Variants in GRM7 observed in about 807,000 individuals in gnomAD.
GRM7 encodes metabotropic glutamate receptor 7.
GRM7 carries 35 observed loss-of-function variants against 84.5 expected under a neutral mutation model. The observed-to-expected ratio is 0.41, with a 90% CI of 0.32 to 0.55. The LOEUF (loss-of-function observed/expected upper bound fraction) is 0.55, where lower values mean the gene tolerates loss of function less well. Ranked by LOEUF, GRM7 falls within the 20% of genes least tolerant of loss-of-function variation. The probability of loss-of-function intolerance (pLI) is 0.19; values close to 1 mark genes in which losing one functional copy is unlikely to be tolerated. For missense variants in GRM7, 1,003 were observed against 1,194.6 expected (o/e 0.84, Z 2.36); for synonymous variants, 487 against 455.1 (o/e 1.07, Z -0.89).
In GRM7 at chr3:6,861,955, C is replaced by T. The variant is rs999258935; in HGVS notation, c.519+48C>T. 3 of 1,499,934 alleles carry T rather than the reference C, an allele frequency of 2.0e-6. No individual in the cohort carries two copies. The highest frequency in any genetic ancestry group is 2.7e-6 in the Non-Finnish European group (3 of 1,099,368). 92.9% of individuals were successfully genotyped at this position (1,499,934 alleles called of 1,614,324 possible). A position where few individuals can be genotyped will look rare whatever the true frequency, so the allele number is the denominator to read the frequency against. ...GCGGAGCACACAGTGGCTACCTGCGCCCTTAACCCTAAAAGCTGGCTTGGA... is the reference window on the plus strand; with the variant it reads ...GCGGAGCACACAGTGGCTACCTGCGTCCTTAACCCTAAAAGCTGGCTTGGA... On this transcript the variant is annotated intron_variant, in intron 1 of 9. Transcript: ENST00000357716. This position sits in a 1 kb window ranked among gnomAD's most constrained non-coding sequence, Gnocchi z 6.4.
chr3:7,164,971 C>T (rs1467513443), intron 2 of GRM7, among the ~76,000 whole-genome samples: 1 of 152,164 alleles, frequency 6.6e-6, no homozygotes, highest in East Asian at 1.9e-4. Flanking sequence ...CATATGTCTT[C>T]CACAGTGGAA....
chr3:6,861,965 T>C lies in GRM7; in HGVS notation c.519+58T>C. On this transcript the variant is annotated intron_variant, in intron 1 of 9. Transcript: ENST00000357716. The surrounding 1 kb of genome is among the most constrained non-coding windows in gnomAD (Gnocchi z 6.4). Reference sequence around the variant, plus strand: ...CAGTGGCTACCTGCGCCCTTAACCCTAAAAGCTGGCTTGGACTCCGGTGGT... The same window carrying C: ...CAGTGGCTACCTGCGCCCTTAACCCCAAAAGCTGGCTTGGACTCCGGTGGT... The C allele has an allele frequency of 6.9e-7, 1 of 1,458,160 alleles. No homozygotes were observed. The highest frequency in any genetic ancestry group is 2.3e-5 in the East Asian group (1 of 43,676). 90.3% of individuals were successfully genotyped at this position (1,458,160 alleles called of 1,614,324 possible).
At chr3:7,364,039 T>C (rs1693776690) in intron 4 of GRM7, among the ~76,000 whole-genome samples, 1 of 152,086 alleles carries the variant, frequency 6.6e-6, no homozygotes, top group African/African-American at 2.4e-5. Flanking sequence ...TCCTGTAAAC[T>C]GTGCCACTTC....
At chr3:7,316,052 G>T (rs9824902) in intron 4 of GRM7, among the ~76,000 whole-genome samples, 1 of 152,096 alleles carries the variant, frequency 6.6e-6, no homozygotes, top group Non-Finnish European at 1.5e-5. Context: ...ATAAATAAAG[G>T]AATTATCCAA....
At chr3:7,146,403 C>A in intron 1 of GRM7, 49 bp from the exon 2 acceptor site, 3 of 1,351,166 alleles carry the variant, frequency 2.2e-6, no homozygotes, top group East Asian at 2.3e-5. Flanking sequence ...AAATGAGTCT[C>A]TTACATCCTG....
chr3:7,287,086 G>T (rs1178852868), intron 2 of GRM7, among the ~76,000 whole-genome samples: 2 of 152,098 alleles, frequency 1.3e-5, no homozygotes, highest in African/African-American at 4.8e-5. Flanking sequence ...AACTGGCATG[G>T]TTGATCCCAT....
intron 8 of GRM7, among the ~76,000 whole-genome samples, chr3:7,636,628 T>C (rs1321313162): frequency 6.6e-6 from 1 of 152,206 alleles, no homozygotes; most frequent in Admixed American, 6.5e-5. Context: ...AAGACAGAAA[T>C]GTTCAGATGC....
chr3:7,661,591 C>G (rs1308124516), intron 8 of GRM7, among the ~76,000 whole-genome samples: 3 of 151,696 alleles, frequency 2.0e-5, no homozygotes, highest in Admixed American at 1.3e-4. Flanking sequence ...TCAGGAGATC[C>G]AGACCATCCT....
intron 5 of GRM7, among the ~76,000 whole-genome samples, chr3:7,427,161 C>T (rs1437167910): frequency 6.6e-6 from 1 of 152,186 alleles, no homozygotes; most frequent in African/African-American, 2.4e-5. Flanking sequence ...TTTGAATTGA[C>T]AAGTGTTCCC....
At chr3:7,260,896 C>A (rs1431553710) in intron 2 of GRM7, among the ~76,000 whole-genome samples, 1 of 151,970 alleles carries the variant, frequency 6.6e-6, no homozygotes. Context: ...TAGCTGTGTC[C>A]CAGAGATTCT....
chr3:7,575,246 G>C (rs914463786), intron 7 of GRM7, among the ~76,000 whole-genome samples: 3 of 152,272 alleles, frequency 2.0e-5, no homozygotes. Context: ...ATAAACCTTG[G>C]ATGTCCAGAA....
chr3:7,027,726 C>T (rs182494618), intron 1 of GRM7, among the ~76,000 whole-genome samples: 8 of 152,256 alleles, frequency 5.3e-5, no homozygotes, highest in Middle Eastern at 3.4e-3. Flanking sequence ...TTACGTATTT[C>T]TATGCTAGCC....
intron 4 of GRM7, among the ~76,000 whole-genome samples, chr3:7,389,383 G>A (rs886187968): frequency 2.6e-5 from 4 of 152,090 alleles, no homozygotes; most frequent in African/African-American, 9.7e-5. Flanking sequence ...TATTTATTAG[G>A]TTCAATTGGT....
chr3:7,108,965 C>T (rs1048857340), intron 1 of GRM7, among the ~76,000 whole-genome samples: 5 of 152,066 alleles, frequency 3.3e-5, no homozygotes, highest in Non-Finnish European at 7.4e-5. Flanking sequence ...TTTATTTTTT[C>T]CCAGAGTAAT....
chr3:7,385,103 G>A (rs58843993), intron 4 of GRM7, among the ~76,000 whole-genome samples: 25,878 of 151,716 alleles, frequency 0.17, 2,367 homozygotes, highest in East Asian at 0.3. Context: ...TAAAATGTGC[G>A]AACAATAACT....
intron 8 of GRM7, among the ~76,000 whole-genome samples, chr3:7,618,092 G>GAGGC (rs1477311541): frequency 6.6e-6 from 1 of 152,124 alleles, no homozygotes; most frequent in Non-Finnish European, 1.5e-5. Flanking sequence ...GCTTAGCTCA[G>GAGGC]AGGCAGGCAA....
chr3:7,162,917 A>G (rs1005017748), intron 2 of GRM7, among the ~76,000 whole-genome samples: 1 of 151,310 alleles, frequency 6.6e-6, no homozygotes, highest in African/African-American at 2.4e-5. Flanking sequence ...GCACCACAGT[A>G]CCAGGCTAAT....
chr3:7,151,565 T>C lies in GRM7; in HGVS notation c.736+4897T>C, dbSNP rs904762220. ...TGCCCATTGTTAGTCTTTGCCAATT[T>C]ACTTTAAGCTCCATAAGGGCAAGGA... On this transcript the variant is annotated intron_variant, in intron 2 of 9. Coordinates refer to ENST00000357716, the MANE Select transcript of GRM7 (RefSeq NM_000844.4). This position sits in a 1 kb window ranked among gnomAD's most constrained non-coding sequence, Gnocchi z 4.5. 6.6e-6 allele frequency among the ~76,000 whole-genome samples: 1 copy of C among 152,226 alleles called. No homozygotes were observed. The highest frequency in any genetic ancestry group is 6.5e-5 in the Admixed American group (1 of 15,278).
intron 1 of GRM7, among the ~76,000 whole-genome samples, chr3:6,865,311 G>C (rs967445271): frequency 2.0e-5 from 3 of 152,144 alleles, no homozygotes; most frequent in Non-Finnish European, 4.4e-5. Flanking sequence ...ATAATACGGT[G>C]ACCAATGGAT....
Sources: gnomAD v4.1 joint callset for allele counts (sites outside exome capture counted in the v4.1 genomes callset) on GRCh38, gnomAD v4.1.1 for gene constraint, Gnocchi (gnomAD v3.1) non-coding constraint, MANE v1.5 for transcripts, NCBI Gene and HGNC (gene_info 2026-07-23, HGNC 2026-07-21) for gene names.